Variants in PALLD observed in about 807,000 individuals in gnomAD.
PALLD encodes palladin, cytoskeletal associated protein.
PALLD carries 61 observed loss-of-function variants against 123.5 expected under a neutral mutation model. The ratio of observed to expected loss-of-function variants is 0.49; its 90% confidence interval spans 0.40 to 0.61. The LOEUF (loss-of-function observed/expected upper bound fraction) is 0.61. Among genes scored for constraint, PALLD ranks in the 20% least tolerant of loss-of-function variants. The pLI is 0.00. For missense variants in PALLD, 1,273 were observed against 1,377.0 expected, an observed-to-expected ratio of 0.92 and a Z score of 1.20; for synonymous variants, 465 against 496.4, an observed-to-expected ratio of 0.94 and a Z score of 0.84.
At chr4:168,897,875 C>G (rs1237864895) in intron 13 of PALLD, 2 of 149,294 alleles carry the variant, frequency 1.3e-5, no homozygotes, top group Non-Finnish European at 3.0e-5. Flanking sequence ...ATTTTTTCTT[C>G]TAAAGATGGT....
chr4:168,846,630 A>G (rs1326972248), intron 10 of PALLD, among the ~76,000 whole-genome samples: 1 of 152,198 alleles, frequency 6.6e-6, no homozygotes, highest in Non-Finnish European at 1.5e-5. Flanking sequence ...CAGAAAAGCT[A>G]TGTTAATTAA....
chr4:168,561,095 A>G (rs915720173), intron 2 of PALLD, among the ~76,000 whole-genome samples: 9 of 152,110 alleles, frequency 5.9e-5, no homozygotes, highest in Non-Finnish European at 1.2e-4. Context: ...GCAGCCCTAT[A>G]TCAACCCAGT....
intron 11 of PALLD, among the ~76,000 whole-genome samples, chr4:168,893,332 A>G (rs1283630380): frequency 6.6e-6 from 1 of 152,094 alleles, no homozygotes; most frequent in Non-Finnish European, 1.5e-5. Flanking sequence ...CCGCCCTCAG[A>G]CTCCTACCTC....
At chr4:168,644,484 G>A (rs187752602) in intron 2 of PALLD, among the ~76,000 whole-genome samples, 174 of 152,282 alleles carry the variant, frequency 1.1e-3, no homozygotes, top group African/African-American at 3.9e-3. Context: ...AACAAATAAG[G>A]TAGGTTGTAG....
In PALLD at chr4:168,511,580, T is replaced by C. The variant is rs1228685202; in HGVS notation, c.76T>C (p.Phe26Leu). Residue 26 changes from phenylalanine to leucine, a missense_variant, in exon 2 of 22, where the codon TTC (phenylalanine) becomes CTC (leucine). Transcript: ENST00000505667. ...GCAGGAAGAAAGCAAGAATACTGAC[T>C]TCTTCCCGGGCCTTTCTGCTTTCCT... ...DMQEESKNTD[F>L]FPGLSAFLSQ... 6.2e-7 allele frequency: 1 copy of C among 1,614,114 alleles called. No individual in the cohort carries two copies. Among genetic ancestry groups the C allele is most frequent in the African/African-American group, 1.3e-5 (1 of 75,062 alleles).
chr4:168,801,293 G>T (rs1421788053), intron 10 of PALLD, among the ~76,000 whole-genome samples: 3 of 152,104 alleles, frequency 2.0e-5, no homozygotes. Context: ...TTGTTTGTTT[G>T]TCTGAGATGG....
chr4:168,517,920 C>T (rs999867650), intron 2 of PALLD, among the ~76,000 whole-genome samples: 2 of 152,156 alleles, frequency 1.3e-5, no homozygotes, highest in Admixed American at 6.5e-5. Context: ...AACTGTTTTA[C>T]GATACACAAT....
intron 2 of PALLD, among the ~76,000 whole-genome samples, chr4:168,622,366 G>A (rs952471130): frequency 6.6e-6 from 1 of 152,198 alleles, no homozygotes; most frequent in Non-Finnish European, 1.5e-5. Context: ...ATGAAGCCTT[G>A]AAGAATGTTC....
chr4:168,679,474 G>T lies in PALLD; in HGVS notation c.1088-1858G>T, dbSNP rs372495390. Among the ~76,000 whole-genome samples, 516 of 127,470 alleles carry T rather than the reference G, an allele frequency of 4.0e-3. 6 individuals are homozygous for T. Among genetic ancestry groups the T allele is most frequent in the African/African-American group, 0.011 (376 of 33,008 alleles). 83.6% of individuals were successfully genotyped at this position (127,470 alleles called of 152,430 possible). On this transcript the variant is annotated intron_variant, in intron 3 of 21. Transcript: ENST00000505667. ...GTGGGGTGAGTATGGACGTGTGTGG[G>T]GGGGTGTGGTGTGTGGTGGGGTGTG...
intron 2 of PALLD, among the ~76,000 whole-genome samples, chr4:168,622,556 A>G (rs778374114): frequency 6.6e-6 from 1 of 152,080 alleles, no homozygotes; most frequent in Non-Finnish European, 1.5e-5. Context: ...GAAATGTGGA[A>G]ACGCGTATGT....
chr4:168,515,567 G>C (rs902063087), intron 2 of PALLD, among the ~76,000 whole-genome samples: 2 of 152,194 alleles, frequency 1.3e-5, no homozygotes, highest in Admixed American at 6.5e-5. Context: ...AGCTGTACTG[G>C]GAGGTAAGTG....
chr4:168,571,237 C>T (rs1304044243), intron 2 of PALLD, among the ~76,000 whole-genome samples: 1 of 152,180 alleles, frequency 6.6e-6, no homozygotes, highest in South Asian at 2.1e-4. Context: ...TTCTGCACCA[C>T]ATGCTCTAAA....
chr4:168,862,436 T>C (rs531605074), intron 10 of PALLD, among the ~76,000 whole-genome samples: 35 of 152,294 alleles, frequency 2.3e-4, no homozygotes, highest in African/African-American at 7.9e-4. Flanking sequence ...CATGCAACAC[T>C]GTGCCCAGCC....
intron 6 of PALLD, among the ~76,000 whole-genome samples, chr4:168,686,410 T>G (rs912351895): frequency 6.6e-6 from 1 of 152,162 alleles, no homozygotes; most frequent in Non-Finnish European, 1.5e-5. Flanking sequence ...AGGTGTGTGA[T>G]GTTCCCCTCC....
At chr4:168,625,028 A>G (rs1021307300) in intron 2 of PALLD, among the ~76,000 whole-genome samples, 2 of 152,152 alleles carry the variant, frequency 1.3e-5, no homozygotes, top group African/African-American at 4.8e-5. Flanking sequence ...AAACAGGAAT[A>G]AGAGTTTCTA....
In PALLD at chr4:168,926,955, A is replaced by G. The variant is rs1296140145; in HGVS notation, c.*775A>G. ...GAAGGAACTACTTGCCTTAAATGTT[A>G]ATATCAAAAGAGTTTTCTAACAAGG... On this transcript the variant is annotated 3_prime_UTR_variant, in exon 22 of 22. Coordinates refer to ENST00000505667, the MANE Select transcript of PALLD (RefSeq NM_001166108.2). The G allele has an allele frequency of 1.4e-5, 3 of 219,576 alleles. No individual in the cohort carries two copies. The highest frequency in any genetic ancestry group is 5.8e-5 in the Admixed American group (1 of 17,314). The allele number at this position is 219,576 out of a possible 1,614,324, so 13.6% of individuals were successfully genotyped here. A position where few individuals can be genotyped will look rare whatever the true frequency, so the allele number is the denominator to read the frequency against.
intron 8 of PALLD, among the ~76,000 whole-genome samples, chr4:168,708,474 G>A (rs530283891): frequency 3.3e-5 from 5 of 152,278 alleles, no homozygotes; most frequent in East Asian, 3.9e-4. Context: ...CAGCTGTTTC[G>A]AGTCTGGGCT....
chr4:168,608,447 T>G (rs1445565220), intron 2 of PALLD, among the ~76,000 whole-genome samples: 7 of 152,168 alleles, frequency 4.6e-5, no homozygotes, highest in Non-Finnish European at 1.5e-5. Flanking sequence ...CAGTATGACA[T>G]CACTTCCCAA....
intron 10 of PALLD, among the ~76,000 whole-genome samples, chr4:168,835,283 A>T (rs61336790): frequency 0.034 from 5,194 of 152,312 alleles, 283 homozygotes; most frequent in African/African-American, 0.12. Flanking sequence ...TCAGTATTTT[A>T]CAAATAATCT....
Sources: gnomAD v4.1 joint callset for allele counts (sites outside exome capture counted in the v4.1 genomes callset) on GRCh38, gnomAD v4.1.1 for gene constraint, MANE v1.5 for transcripts, NCBI Gene and HGNC (gene_info 2026-07-23, HGNC 2026-07-21) for gene names.